LEPR: variants seen among roughly 807,000 people sequenced by gnomAD.
LEPR encodes leptin receptor.
Under a neutral mutation model 114.7 loss-of-function variants are expected in LEPR, and 56 were observed. That is an observed-to-expected ratio of 0.49 (90% CI 0.39 to 0.61). LEPR has a LOEUF of 0.61. Ranked by LOEUF, LEPR falls within the 20% of genes least tolerant of loss-of-function variation. The pLI is 0.00. For missense variants in LEPR, 1,202 were observed against 1,352.9 expected, an observed-to-expected ratio of 0.89 and a Z score of 1.75; for synonymous variants, 443 against 461.4, an observed-to-expected ratio of 0.96 and a Z score of 0.51.
chr1:65,641,358 A>C lies in LEPR; in HGVS notation c.*4343A>C, dbSNP rs576856184. 9.2e-5 allele frequency: 14 copies of C among 152,328 alleles called. No homozygotes were observed. The South Asian group carries it at 2.7e-3, about 29-fold the overall frequency. The allele number at this position is 152,328 out of a possible 1,614,324, so 9.4% of individuals were successfully genotyped here. On this transcript the variant is annotated 3_prime_UTR_variant, in exon 20 of 20. Transcript: ENST00000349533. The stretch of plus-strand genomic sequence containing the variant: ...GGCATGTGGTTAATACTTTCTCTTT[A>C]GTCACAACTGGTATTTTAATAAATG...
chr1:65,514,474 A>G (rs1187806812), intron 2 of LEPR, among the ~76,000 whole-genome samples: 3 of 152,202 alleles, frequency 2.0e-5, no homozygotes, highest in African/African-American at 4.8e-5. Flanking sequence ...ATTTTAGTAA[A>G]CCTATGATTG....
In LEPR at chr1:65,487,740, GTA is replaced by G. The variant is rs549618266; in HGVS notation, c.-21+62372_-21+62373del. ...TAAAATTATCTTAGGTACATAATAG[GTA>G]TATATATATTTATGGGCACATGTGA... On this transcript the variant is annotated intron_variant, in intron 2 of 19. Transcript: ENST00000349533. Among the ~76,000 whole-genome samples the G allele has an allele frequency of 5.3e-3, 807 of 151,556 alleles. 6 individuals carry two copies. The highest frequency in any genetic ancestry group is 0.019 in the African/African-American group (773 of 41,310).
chr1:65,626,880 C>G (rs574508508), intron 19 of LEPR, among the ~76,000 whole-genome samples: 2 of 152,088 alleles, frequency 1.3e-5, no homozygotes, highest in African/African-American at 4.8e-5. Context: ...AGTGATCCAC[C>G]CACCTCAGCC....
chr1:65,617,336 T>C (rs1657589138), intron 15 of LEPR, among the ~76,000 whole-genome samples: 1 of 152,206 alleles, frequency 6.6e-6, no homozygotes, highest in Non-Finnish European at 1.5e-5. Context: ...GAAGTGGTAC[T>C]GAACTGAAAT....
intron 2 of LEPR, among the ~76,000 whole-genome samples, chr1:65,507,437 T>TTGTG (rs141990947): frequency 0.088 from 12,186 of 138,690 alleles, 693 homozygotes; most frequent in South Asian, 0.18. Flanking sequence ...TAGTATTCCA[T>TTGTG]TGTGTGTGTG....
intron 2 of LEPR, among the ~76,000 whole-genome samples, chr1:65,532,651 A>G (rs1650484242): frequency 2.0e-5 from 3 of 152,172 alleles, no homozygotes; most frequent in Admixed American, 2.0e-4. Flanking sequence ...TTATTAGGCA[A>G]TAAAAGGGAA....
intron 2 of LEPR, among the ~76,000 whole-genome samples, chr1:65,473,991 G>T (rs574235492): frequency 4.6e-5 from 7 of 152,288 alleles, no homozygotes; most frequent in Admixed American, 4.6e-4. Flanking sequence ...TCAATTTTGT[G>T]TCACCTGCAA....
At chr1:65,431,494 T>A (rs113916187) in intron 2 of LEPR, among the ~76,000 whole-genome samples, 3 of 152,346 alleles carry the variant, frequency 2.0e-5, no homozygotes, top group African/African-American at 7.2e-5. Context: ...GTACCCAATA[T>A]TGTAATTGCA....
intron 15 of LEPR, 70 bp downstream of exon 15, chr1:65,616,294 T>A: frequency 6.8e-7 from 1 of 1,479,366 alleles, no homozygotes; most frequent in Non-Finnish European, 9.3e-7. Flanking sequence ...TCTCCTATTT[T>A]AAATTATCTT....
chr1:65,572,357 A>G lies in LEPR; in HGVS notation c.402A>G (p.Lys134=). Residue 134 remains lysine, a synonymous_variant, in exon 5 of 20, where the codon AAA becomes AAG. Coordinates refer to ENST00000349533, the MANE Select transcript of LEPR (RefSeq NM_002303.6). ...ACTGGAACATACAGTGCTGGCTAAA[A>G]GGAGACTTAAAATTATTCATCTGTT... The part of the protein sequence containing the change: ...DANWNIQCWL[K]GDLKLFICYV... 6.3e-7 allele frequency: 1 copy of G among 1,589,002 alleles called. No homozygotes were observed. The highest frequency in any genetic ancestry group is 1.1e-5 in the South Asian group (1 of 88,190).
At position 65,502,461 on chromosome 1, in the gene LEPR, G is replaced by A. The variant is rs1268489705; in HGVS notation, c.-20-63085G>A. On this transcript the variant is annotated intron_variant, in intron 2 of 19. Transcript: ENST00000349533. ...TTTTTTTTATGGCAGCTTAGCAAAC[G>A]AATACAGCAATTTTTAGTTACTGAT... Among the ~76,000 whole-genome samples, 6 of 151,834 alleles carry A rather than the reference G, an allele frequency of 4.0e-5. No individual in the cohort carries two copies. In the South Asian group the frequency reaches 1.0e-3, roughly 26 times the overall value.
At position 65,446,442 on chromosome 1, in the gene LEPR, C is replaced by G. The variant is rs72681325; in HGVS notation, c.-21+21064C>G. ...ATGAGCAATGATATCGAACAGAGGT[C>G]ACTTTCATTGCCATGTGGGTTTGGG... On this transcript the variant is annotated intron_variant, in intron 2 of 19. Transcript: ENST00000349533. 6.0e-3 allele frequency among the ~76,000 whole-genome samples: 916 copies of G among 152,250 alleles called. 4 individuals carry two copies. Among genetic ancestry groups the G allele is most frequent in the Middle Eastern group, 0.01 (3 of 294 alleles).
At chr1:65,624,412 T>G (rs1430234329) in intron 19 of LEPR, among the ~76,000 whole-genome samples, 1 of 152,192 alleles carries the variant, frequency 6.6e-6, no homozygotes, top group African/African-American at 2.4e-5. Flanking sequence ...GAGGCAAGAT[T>G]AGCTTACCAG....
At chr1:65,635,107 G>T (rs911339823) in intron 19 of LEPR, 3 of 913,652 alleles carry the variant, frequency 3.3e-6, no homozygotes, top group Non-Finnish European at 3.9e-6. Context: ...ATTGTATATG[G>T]AATATGCTTG....
chr1:65,633,829 C>G lies in LEPR; in HGVS notation c.2674-2362C>G, dbSNP rs1658617254. 1.0e-6 allele frequency: 1 copy of G among 985,522 alleles called. No homozygotes were observed. Among genetic ancestry groups the G allele is most frequent in the South Asian group, 4.7e-5 (1 of 21,288 alleles). 61.0% of individuals were successfully genotyped at this position (985,522 alleles called of 1,614,324 possible). Reference sequence around the variant, plus strand: ...AACTTCCGTTTCAGTTAAAAGGAAGCCCGAAGTTGTGTTTGTGCTGCCCAC... The same window carrying G: ...AACTTCCGTTTCAGTTAAAAGGAAGGCCGAAGTTGTGTTTGTGCTGCCCAC... On this transcript the variant is annotated intron_variant, in intron 19 of 19. Transcript: ENST00000349533. This position sits in a 1 kb window ranked among gnomAD's most constrained non-coding sequence, Gnocchi z 4.1.
chr1:65,486,712 G>T (rs1199995316), intron 2 of LEPR, among the ~76,000 whole-genome samples: 1 of 152,188 alleles, frequency 6.6e-6, no homozygotes, highest in Non-Finnish European at 1.5e-5. Context: ...AAGGCTGAAA[G>T]TGAGGACTAG....
chr1:65,425,535 T>C (rs1646344165), intron 2 of LEPR, among the ~76,000 whole-genome samples, 157 bp downstream of exon 2: 1 of 152,242 alleles, frequency 6.6e-6, no homozygotes. Flanking sequence ...TCAGGTGTAC[T>C]TTTGCAGAGG....
At chr1:65,517,888 C>T (rs1356658815) in intron 2 of LEPR, among the ~76,000 whole-genome samples, 1 of 152,244 alleles carries the variant, frequency 6.6e-6, no homozygotes, top group East Asian at 1.9e-4. Flanking sequence ...CTTCATTCCA[C>T]ACATTGACAT....
intron 19 of LEPR, chr1:65,626,268 A>C: frequency 1.5e-6 from 2 of 1,327,292 alleles, no homozygotes; most frequent in South Asian, 5.1e-5. Context: ...CTTATATACA[A>C]GTAGATTGAA....
Sources: allele counts gnomAD v4.1 joint callset (sites outside exome capture counted in the v4.1 genomes callset), GRCh38; gene constraint gnomAD v4.1.1; non-coding constraint Gnocchi (gnomAD v3.1); transcripts MANE v1.5; gene names NCBI Gene and HGNC (gene_info 2026-07-23, HGNC 2026-07-21).